Variants in NECAB3 observed in about 807,000 individuals in gnomAD.
NECAB3 encodes N-terminal EF-hand calcium-binding protein 3.
Under a neutral mutation model 57.2 loss-of-function variants are expected in NECAB3, and 38 were observed. The observed-to-expected ratio is 0.66, with a 90% CI of 0.51 to 0.87. NECAB3 has a LOEUF of 0.87. Among genes scored for constraint, NECAB3 ranks in the 40% least tolerant of loss-of-function variants. The pLI is 0.00. For synonymous variants in NECAB3, 223 were observed against 222.6 expected (o/e 1.00, Z -0.02); for missense variants, 474 against 527.5 (o/e 0.90, Z 0.99).
chr20:33,661,461 G>GC (rs1245419304), intron 5 of NECAB3, among the ~76,000 whole-genome samples: 1 of 152,312 alleles, frequency 6.6e-6, no homozygotes, highest in East Asian at 1.9e-4. Flanking sequence ...AGGCTTATGA[G>GC]CTAGGAGACA....
chr20:33,663,196 C>T (rs1358443551), intron 5 of NECAB3, among the ~76,000 whole-genome samples: 1 of 152,184 alleles, frequency 6.6e-6, no homozygotes, highest in African/African-American at 2.4e-5. Context: ...AAGCCCTGGA[C>T]CAGGCGGGGG....
chr20:33,668,235 A>G, intron 5 of NECAB3: 1 of 1,574,178 alleles, frequency 6.4e-7, no homozygotes, highest in Non-Finnish European at 8.6e-7. Flanking sequence ...TGTTCAACTG[A>G]GTCAGGCTGG....
At position 33,667,934 on chromosome 20, in the gene NECAB3, G is replaced by A. The variant is rs757311508; in HGVS notation, c.387+1441C>T. On this transcript the variant is annotated intron_variant, in intron 5 of 11. Transcript: ENST00000246190. ...CAGGGGCTGCCCGCGCTGGCCTTCC[G>A]GGCGCTGCAGAAGATGCCCAAAACG... 9 of 1,557,128 alleles carry A rather than the reference G, an allele frequency of 5.8e-6. No homozygotes were observed. In the South Asian group the frequency reaches 8.2e-5, roughly 14 times the overall value.
chr20:33,672,833 C>G (rs1370883955), intron 1 of NECAB3, among the ~76,000 whole-genome samples: 7 of 152,182 alleles, frequency 4.6e-5, no homozygotes, highest in Non-Finnish European at 8.8e-5. Flanking sequence ...AGACCTGAGC[C>G]CCGAGCTCTG....
rs769910610 is a variant in NECAB3 at position 33,667,985 on chromosome 20, T to C, written c.387+1390A>G. On this transcript the variant is annotated intron_variant, in intron 5 of 11. Transcript: ENST00000246190. ...CTGCGGACACGCCTGGCAGACACCG[T>C]GGTGCTAGCCGGCGGCTCCACACTG... is the stretch of plus-strand genomic sequence containing the variant. 8.3e-5 allele frequency: 129 copies of C among 1,548,224 alleles called. No individual in the cohort carries two copies. Among genetic ancestry groups the C allele is most frequent in the Non-Finnish European group, 1.0e-4 (118 of 1,146,072 alleles).
At position 33,667,819 on chromosome 20, in the gene NECAB3, G is replaced by C. The variant is rs950037404; in HGVS notation, c.387+1556C>G. 5.0e-6 allele frequency: 8 copies of C among 1,612,136 alleles called. No homozygotes were observed. The African/African-American group carries it at 6.7e-5, about 13-fold the overall frequency. On this transcript the variant is annotated intron_variant, in intron 5 of 11. Coordinates refer to ENST00000246190, the MANE Select transcript of NECAB3 (RefSeq NM_031232.4). ...CCGCCACCATCCGGCCAGTTTCAGC[G>C]TGGGTAACGGGTGCTGCGTCTGCCT...
chr20:33,667,598 C>T (rs770199004), intron 5 of NECAB3: 10 of 1,580,902 alleles, frequency 6.3e-6, no homozygotes, highest in South Asian at 2.3e-5. Context: ...CCCATCTACG[C>T]GGGTCACTCG....
At chr20:33,666,216 T>A (rs544316284) in intron 5 of NECAB3, among the ~76,000 whole-genome samples, 1 of 152,132 alleles carries the variant, frequency 6.6e-6, no homozygotes, top group East Asian at 1.9e-4. Flanking sequence ...ATGAAAAAGC[T>A]TTTTCTTCAG....
At position 33,660,749 on chromosome 20, in the gene NECAB3, C is replaced by T. The variant is rs975955542; in HGVS notation, c.388-354G>A. Among the ~76,000 whole-genome samples, 3 of 152,218 alleles carry T rather than the reference C, an allele frequency of 2.0e-5. No homozygotes were observed. Among genetic ancestry groups the T allele is most frequent in the African/African-American group, 7.2e-5 (3 of 41,464 alleles). On this transcript the variant is annotated intron_variant, in intron 5 of 11. Coordinates refer to ENST00000246190, the MANE Select transcript of NECAB3 (RefSeq NM_031232.4). This position sits in a 1 kb window ranked among gnomAD's most constrained non-coding sequence, Gnocchi z 4.1. The stretch of plus-strand genomic sequence containing the variant: ...CAGCTAGGCTGGGTGGGGGCTATCA[C>T]GAGGTATCCAAGGGCCAATGTTGAC...
Position 33,658,457 on chromosome 20 carries a change from G to A in NECAB3, c.1070+20C>T, listed in dbSNP as rs8123471. 1,844 of 1,611,778 alleles carry A rather than the reference G, an allele frequency of 1.1e-3. 20 individuals are homozygous for A. The African/African-American group carries it at 0.02, about 17-fold the overall frequency. ...CAGGGCCACATTCCATGGTGTTAGC[G>A]GCCAGACTGGCACTCATACCTTCTC... is the stretch of plus-strand genomic sequence containing the variant. On this transcript the variant is annotated intron_variant, in intron 10 of 11. Transcript: ENST00000246190.
At chr20:33,662,457 C>A in intron 5 of NECAB3, 1 of 1,551,544 alleles carries the variant, frequency 6.4e-7, no homozygotes, top group Non-Finnish European at 8.7e-7. Context: ...CCACCTCACT[C>A]GGAAGAAGCC....
At chr20:33,674,184 G>C (rs1325470670) in intron 1 of NECAB3, 40 bp downstream of exon 1, 1 of 1,250,728 alleles carries the variant, frequency 8.0e-7, no homozygotes, top group Non-Finnish European at 1.0e-6. Context: ...ACAGAGACTC[G>C]GGTAGGGAGA....
rs915382520 is a variant in NECAB3 at position 33,657,752 on chromosome 20, C to T, written c.*77G>A. 16 of 1,422,588 alleles carry T rather than the reference C, an allele frequency of 1.1e-5. No homozygotes were observed. The East Asian group carries it at 1.8e-4, about 16-fold the overall frequency. The allele number at this position is 1,422,588 out of a possible 1,614,324, so 88.1% of individuals were successfully genotyped here. On this transcript the variant is annotated 3_prime_UTR_variant, in exon 12 of 12. Transcript: ENST00000246190. ...AGGAGGAGACAAGTCCTGGTCTTTG[C>T]GCTGGGCTGGCCAGTCCAGAAGGCT...
At chr20:33,662,599 A>G in intron 5 of NECAB3, 2 of 1,094,084 alleles carry the variant, frequency 1.8e-6, no homozygotes, top group East Asian at 5.3e-5. Flanking sequence ...GTGAGGGAGG[A>G]ATTCGAAAAT....
In NECAB3 at chr20:33,670,705, C is replaced by T. The variant is rs759250635; in HGVS notation, c.242G>A (p.Gly81Asp). 4 of 1,613,914 alleles carry T rather than the reference C, an allele frequency of 2.5e-6. No homozygotes were observed. Among genetic ancestry groups the T allele is most frequent in the Non-Finnish European group, 3.4e-6 (4 of 1,179,850 alleles). ...TCACTCGGTGAGATGCCCATCAATG[C>T]CGCTGAACAGTTCCTGCAGCTCCCC... is the stretch of plus-strand genomic sequence containing the variant. ...SLGELQELFS[G>D]IDGHLTDNLE... The change falls in exon 3 of 12, where the codon GGC becomes GAC. Residue 81 changes from glycine to aspartate, a missense_variant. Transcript: ENST00000246190.
At chr20:33,667,484 T>G (rs2017696204) in intron 5 of NECAB3, 6 of 1,470,830 alleles carry the variant, frequency 4.1e-6, no homozygotes, top group Non-Finnish European at 5.4e-6. Context: ...ACCCTGGCAG[T>G]GCCCGCGTGC....
rs1242856534 is a variant in NECAB3, at chr20:33,669,710, T to C, written c.266A>G (p.Asn89Ser). 6.3e-7 allele frequency: 1 copy of C among 1,594,934 alleles called. No individual in the cohort carries two copies. Among genetic ancestry groups the C allele is most frequent in the East Asian group, 2.3e-5 (1 of 44,350 alleles). ...FSGIDGHLTD[N>S]LETEKLCDYF... is the part of the protein sequence containing the mutation. Reference sequence around the variant, plus strand: ...ACCACACAGTTTTTCTGTTTCTAAATTGCTGCAGGGAAAAGAGAAGGCGCC... The same window carrying C: ...ACCACACAGTTTTTCTGTTTCTAAACTGCTGCAGGGAAAAGAGAAGGCGCC... The change falls in exon 4 of 12, where the codon AAT (asparagine) becomes AGT (serine). Residue 89 changes from asparagine to serine, a missense_variant and splice_region_variant. Transcript: ENST00000246190.
chr20:33,674,537 C>T (rs1359983989), upstream of NECAB3: 2 of 477,842 alleles, frequency 4.2e-6, no homozygotes, highest in African/African-American at 2.1e-5. Flanking sequence ...CGCCGCGGGC[C>T]TCCGCGCTTC....
chr20:33,657,791 G>C lies in NECAB3; in HGVS notation c.*38C>G, dbSNP rs1246105571. Reference sequence around the variant, plus strand: ...GTCCAGAAGGCTCCAGAGGGAGGCAGGCAGGGTCCCGGGGCCCTCGGCGTG... The same window carrying C: ...GTCCAGAAGGCTCCAGAGGGAGGCACGCAGGGTCCCGGGGCCCTCGGCGTG... On this transcript the variant is annotated 3_prime_UTR_variant, in exon 12 of 12. Coordinates refer to ENST00000246190, the MANE Select transcript of NECAB3 (RefSeq NM_031232.4). The C allele has an allele frequency of 6.7e-7, 1 of 1,500,758 alleles. No homozygotes were observed. Among genetic ancestry groups the C allele is most frequent in the East Asian group, 2.5e-5 (1 of 40,524 alleles). 93.0% of individuals were successfully genotyped at this position (1,500,758 alleles called of 1,614,324 possible).
Sources: allele counts gnomAD v4.1 joint callset (sites outside exome capture counted in the v4.1 genomes callset), GRCh38; gene constraint gnomAD v4.1.1; non-coding constraint Gnocchi (gnomAD v3.1); transcripts MANE v1.5; gene names NCBI Gene and HGNC (gene_info 2026-07-23, HGNC 2026-07-21).